The following MGAT4C variants were observed in gnomAD, a reference collection of about 807,000 sequenced individuals.
MGAT4C encodes MGAT4 family member C, also known as alpha-1,3-mannosyl-glycoprotein 4-beta-N-acetylglucosaminyltransferase C.
Under a neutral mutation model 40.1 loss-of-function variants are expected in MGAT4C, and 19 were observed. That is an observed-to-expected ratio of 0.47 (90% CI 0.33 to 0.70). MGAT4C has a LOEUF of 0.70. Ranked by LOEUF, MGAT4C falls within the 30% of genes least tolerant of loss-of-function variation. The probability of loss-of-function intolerance (pLI) is 0.02; values close to 1 mark genes in which losing one functional copy is unlikely to be tolerated. For missense variants in MGAT4C, 491 were observed against 563.2 expected, an observed-to-expected ratio of 0.87 and a Z score of 1.30; for synonymous variants, 181 against 187.1, an observed-to-expected ratio of 0.97 and a Z score of 0.27.
At chr12:86,295,102 T>C (rs552007276) in intron 4 of MGAT4C, among the ~76,000 whole-genome samples, 1 of 152,228 alleles carries the variant, frequency 6.6e-6, no homozygotes, top group Non-Finnish European at 1.5e-5. Context: ...TTAAAATCCC[T>C]TAACTACTTA....
At chr12:86,340,150 T>G (rs1181737259) in intron 3 of MGAT4C, among the ~76,000 whole-genome samples, 2 of 152,228 alleles carry the variant, frequency 1.3e-5, no homozygotes, top group Non-Finnish European at 2.9e-5. Flanking sequence ...TTTTGCTTCA[T>G]GTGCTTTTAT....
intron 1 of MGAT4C, among the ~76,000 whole-genome samples, chr12:86,154,885 T>A (rs1884736107): frequency 6.6e-6 from 1 of 152,098 alleles, no homozygotes; most frequent in Non-Finnish European, 1.5e-5. Flanking sequence ...ATCAGACAGA[T>A]AAGACAGCTA....
At chr12:86,569,156 T>C (rs1255909912) in intron 2 of MGAT4C, among the ~76,000 whole-genome samples, 1 of 151,986 alleles carries the variant, frequency 6.6e-6, no homozygotes, top group Non-Finnish European at 1.5e-5. Flanking sequence ...ATCAGATTCA[T>C]AGGGTAAAAG....
chr12:85,964,471 C>G lies in MGAT4C; in HGVS notation c.*14818G>C, dbSNP rs188188176. ...CATTCTATTTCAGGTTCTTAAGCAA[C>G]ATTCCTAAGACTAGAACCTTATCTT... is the stretch of plus-strand genomic sequence containing the variant. On this transcript the variant is annotated 3_prime_UTR_variant, in exon 5 of 5. Coordinates refer to ENST00000611864, the MANE Select transcript of MGAT4C (RefSeq NM_001351288.2). 6.6e-6 allele frequency: 1 copy of G among 152,042 alleles called. No homozygotes were observed. Among genetic ancestry groups the G allele is most frequent in the African/African-American group, 2.4e-5 (1 of 41,422 alleles). 9.4% of individuals were successfully genotyped at this position (152,042 alleles called of 1,614,324 possible).
intron 4 of MGAT4C, among the ~76,000 whole-genome samples, chr12:86,326,945 A>G (rs1247292279): frequency 6.6e-6 from 1 of 152,156 alleles, no homozygotes; most frequent in Non-Finnish European, 1.5e-5. Flanking sequence ...TTTTGATGTC[A>G]GGAAGCCTTT....
intron 1 of MGAT4C, among the ~76,000 whole-genome samples, chr12:86,215,277 T>A (rs1449100025): frequency 6.6e-6 from 1 of 152,180 alleles, no homozygotes. Context: ...TTAAAAAAAA[T>A]TAATTTCTTG....
chr12:86,731,063 C>T (rs1030180701), intron 1 of MGAT4C, among the ~76,000 whole-genome samples: 3 of 152,080 alleles, frequency 2.0e-5, no homozygotes, highest in Non-Finnish European at 2.9e-5. Context: ...ATTCCAGTGG[C>T]TGTTCTTTTG....
intron 1 of MGAT4C, among the ~76,000 whole-genome samples, chr12:86,196,978 T>G (rs1949838096): frequency 6.6e-6 from 1 of 152,220 alleles, no homozygotes; most frequent in Admixed American, 6.5e-5. Context: ...GCTTAAAAAT[T>G]TCTTCAATTT....
intron 3 of MGAT4C, among the ~76,000 whole-genome samples, chr12:86,355,981 G>T (rs755160270): frequency 1.3e-5 from 2 of 152,082 alleles, no homozygotes; most frequent in African/African-American, 2.4e-5. Context: ...ACTCCACAAA[G>T]AGGGGGTTGC....
chr12:86,360,450 A>C (rs1370725732), intron 3 of MGAT4C, among the ~76,000 whole-genome samples: 1 of 152,206 alleles, frequency 6.6e-6, no homozygotes. Flanking sequence ...CTCTCTCACC[A>C]CTTCTATTCA....
rs1046154382 is a variant in MGAT4C, at chr12:86,175,022, T to C, written c.-57+81217A>G. Among the ~76,000 whole-genome samples the C allele has an allele frequency of 6.6e-5, 10 of 152,210 alleles. No homozygotes were observed. In the East Asian group the frequency reaches 7.7e-4, roughly 12 times the overall value. On this transcript the variant is annotated intron_variant, in intron 1 of 4. Transcript: ENST00000611864. ...GCCATGTATAGCATAAATTTCTATA[T>C]GAGAATGTCCACAGAAATGATTTCA...
chr12:86,440,488 A>G (rs1957207285), intron 2 of MGAT4C, among the ~76,000 whole-genome samples: 1 of 152,102 alleles, frequency 6.6e-6, no homozygotes, highest in Admixed American at 6.6e-5. Flanking sequence ...TCAAAATAAT[A>G]AAAAACATGT....
intron 2 of MGAT4C, among the ~76,000 whole-genome samples, chr12:86,442,053 G>A (rs1226027697): frequency 6.6e-6 from 1 of 152,062 alleles, no homozygotes; most frequent in Non-Finnish European, 1.5e-5. Flanking sequence ...GTGTGAGATG[G>A]TATCTCATTG....
At chr12:86,390,103 C>T (rs1274903748) in intron 3 of MGAT4C, among the ~76,000 whole-genome samples, 1 of 152,082 alleles carries the variant, frequency 6.6e-6, no homozygotes, top group Non-Finnish European at 1.5e-5. Flanking sequence ...CTGAGGATTC[C>T]AGAAACAAGC....
chr12:86,257,290 C>T (rs142138089), upstream of MGAT4C, among the ~76,000 whole-genome samples: 567 of 152,206 alleles, frequency 3.7e-3, 2 homozygotes, highest in African/African-American at 0.012. Context: ...CAGCTTGCTG[C>T]CAGAGGGACA....
At chr12:86,068,877 T>G (rs1373876386) in intron 1 of MGAT4C, among the ~76,000 whole-genome samples, 1 of 152,120 alleles carries the variant, frequency 6.6e-6, no homozygotes, top group African/African-American at 2.4e-5. Context: ...TTTGTTGCAA[T>G]CTTTGAAAGG....
At chr12:86,027,743 A>G (rs1033714068) in intron 2 of MGAT4C, among the ~76,000 whole-genome samples, 5 of 151,994 alleles carry the variant, frequency 3.3e-5, no homozygotes, top group Admixed American at 1.3e-4. Context: ...TTTATCAAAT[A>G]GTTCAAAAGC....
chr12:86,297,122 A>G (rs1014720795), intron 4 of MGAT4C, among the ~76,000 whole-genome samples: 2 of 152,230 alleles, frequency 1.3e-5, no homozygotes, highest in African/African-American at 4.8e-5. Flanking sequence ...ACCCCAATGA[A>G]GGAAATAGAA....
At chr12:86,047,094 T>C (rs924395057) in intron 2 of MGAT4C, among the ~76,000 whole-genome samples, 6 of 152,130 alleles carry the variant, frequency 3.9e-5, no homozygotes, top group Non-Finnish European at 7.4e-5. Context: ...CAAAGCCCTT[T>C]GGAGTCCTTA....
Sources: allele counts gnomAD v4.1 joint callset (sites outside exome capture counted in the v4.1 genomes callset), GRCh38; gene constraint gnomAD v4.1.1; transcripts MANE v1.5; gene names NCBI Gene and HGNC (gene_info 2026-07-23, HGNC 2026-07-21).